FANCD2: variants seen among roughly 807,000 people sequenced by gnomAD.
FANCD2 encodes FA complementation group D2.
A neutral mutation model predicts 192.3 loss-of-function variants in FANCD2; 131 were observed. The observed-to-expected ratio is 0.68, with a 90% CI of 0.59 to 0.79. The LOEUF (loss-of-function observed/expected upper bound fraction) is 0.79, where lower values mean the gene tolerates loss of function less well. Ranked by LOEUF, FANCD2 falls within the 30% of genes least tolerant of loss-of-function variation. The pLI is 0.00. For missense variants in FANCD2, 1,508 were observed against 1,701.6 expected, an observed-to-expected ratio of 0.89 and a Z score of 2.00; for synonymous variants, 524 against 612.5, an observed-to-expected ratio of 0.86 and a Z score of 2.13.
intron 38 of FANCD2, 76 bp from the exon 39 acceptor site, chr3:10,093,209 T>G: frequency 1.8e-6 from 2 of 1,101,582 alleles, no homozygotes; most frequent in Non-Finnish European, 2.8e-6. Context: ...AAGCTGTGCT[T>G]TGCGCAGCGG....
At position 10,041,034 on chromosome 3, in the gene FANCD2, A is replaced by G. The variant is rs561899502; in HGVS notation, c.696-589A>G. The G allele has an allele frequency of 1.0e-3, 172 of 164,800 alleles. 1 individual carries two copies. Among genetic ancestry groups the G allele is most frequent in the Non-Finnish European group, 1.9e-3 (147 of 76,104 alleles). 10.2% of individuals were successfully genotyped at this position (164,800 alleles called of 1,614,324 possible). On this transcript the variant is annotated intron_variant, in intron 9 of 43. Coordinates refer to ENST00000675286, the MANE Select transcript of FANCD2 (RefSeq NM_001018115.3). ...CATGGTGAAAAGCCGTCTTTCAAAA[A>G]CATACAAAAATTAGGTGGGCGTGGT...
At chr3:10,058,293 A>C in intron 18 of FANCD2, 1 of 163,162 alleles carries the variant, frequency 6.1e-6, no homozygotes, top group Non-Finnish European at 1.4e-5. Context: ...CCCATATATA[A>C]TTCTGTTTTT....
intron 17 of FANCD2, among the ~76,000 whole-genome samples, chr3:10,049,803 G>T (rs1157859356): frequency 2.6e-5 from 4 of 152,204 alleles, no homozygotes; most frequent in African/African-American, 9.6e-5. Flanking sequence ...AACAGAGTAA[G>T]AATAATTAAA....
chr3:10,084,520 G>A (rs1694062259), intron 32 of FANCD2, among the ~76,000 whole-genome samples: 1 of 150,742 alleles, frequency 6.6e-6, no homozygotes, highest in African/African-American at 2.4e-5. Context: ...GGCTGGTCTT[G>A]AACCTCTGGG....
Position 10,101,317 on chromosome 3 carries a change from G to T in FANCD2, c.*55G>T. On this transcript the variant is annotated 3_prime_UTR_variant, in exon 44 of 44. Transcript: ENST00000675286. ...GTCTCTGCCAGCCTGTGATCATTTT[G>T]TGTTAGAGTTTGAAATCCGCTGTTT... is the stretch of plus-strand genomic sequence containing the variant. The T allele has an allele frequency of 1.6e-6, 2 of 1,283,602 alleles. No homozygotes were observed. Among genetic ancestry groups the T allele is most frequent in the Non-Finnish European group, 2.2e-6 (2 of 895,264 alleles). The allele number at this position is 1,283,602 out of a possible 1,614,324, so 79.5% of individuals were successfully genotyped here.
intron 3 of FANCD2, among the ~76,000 whole-genome samples, chr3:10,033,918 T>C (rs543285661): frequency 4.6e-5 from 7 of 150,994 alleles, no homozygotes; most frequent in Middle Eastern, 3.4e-3. Context: ...AGGATGGTCT[T>C]GATCTCCTGA....
rs113222720 is a variant in FANCD2 at position 10,073,934 on chromosome 3, ACAGTTTTTTGTTTT to A, written c.2715+573_2716-582del. ...CCAGATCATTCTGGCCCCTAAGCTC[ACAGTTTTTTGTTTT>A]TTGTTTTTTGTTTTTGAGATGGAGT... is the stretch of plus-strand genomic sequence containing the variant. On this transcript the variant is annotated intron_variant, in intron 28 of 43. Transcript: ENST00000675286. Among the ~76,000 whole-genome samples, 8 of 151,752 alleles carry A rather than the reference ACAGTTTTTTGTTTT, an allele frequency of 5.3e-5. 1 individual carries two copies. Among genetic ancestry groups the A allele is most frequent in the African/African-American group, 1.9e-4 (8 of 41,104 alleles).
At position 10,048,026 on chromosome 3, in the gene FANCD2, A is replaced by T; in HGVS notation, c.1388A>T (p.Lys463Met). Reference sequence around the variant, plus strand: ...AGTCTCCTATACAAATATGCATTTAAGTTTTTTGACACGTACTGCCAGCAG... The same window carrying T: ...AGTCTCCTATACAAATATGCATTTATGTTTTTTGACACGTACTGCCAGCAG... Reference protein sequence around the residue: ...FGSLLYKYAFKFFDTYCQQEV... With the variant: ...FGSLLYKYAFMFFDTYCQQEV... The change falls in exon 16 of 44, where the codon AAG becomes ATG. Residue 463 changes from lysine to methionine, a missense_variant. Lys to Met is a moderately conservative substitution (Grantham distance 95, BLOSUM62 -1). This residue lies in a region of FANCD2 where 108 missense variants were observed against 174.1 expected (regional missense o/e 0.62). Transcript: ENST00000675286. The T allele has an allele frequency of 6.2e-7, 1 of 1,614,260 alleles. No homozygotes were observed. Among genetic ancestry groups the T allele is most frequent in the Non-Finnish European group, 8.5e-7 (1 of 1,180,054 alleles).
chr3:10,101,323 G>T lies in FANCD2; in HGVS notation c.*61G>T. ...GCCAGCCTGTGATCATTTTGTGTTA[G>T]AGTTTGAAATCCGCTGTTTGCCTTT... On this transcript the variant is annotated 3_prime_UTR_variant, in exon 44 of 44. Coordinates refer to ENST00000675286, the MANE Select transcript of FANCD2 (RefSeq NM_001018115.3). 2.5e-6 allele frequency: 3 copies of T among 1,197,560 alleles called. No homozygotes were observed. The highest frequency in any genetic ancestry group is 3.7e-6 in the Non-Finnish European group (3 of 815,644). The allele number at this position is 1,197,560 out of a possible 1,614,324, so 74.2% of individuals were successfully genotyped here.
intron 43 of FANCD2, among the ~76,000 whole-genome samples, chr3:10,100,321 C>G (rs770047071): frequency 1.3e-5 from 2 of 152,222 alleles, no homozygotes. Flanking sequence ...ATACTAGTAT[C>G]GTAAGCCAGA....
At chr3:10,099,903 A>T (rs1368219892) in intron 43 of FANCD2, among the ~76,000 whole-genome samples, 1 of 152,148 alleles carries the variant, frequency 6.6e-6, no homozygotes, top group Admixed American at 6.5e-5. Context: ...ATCATTTAGT[A>T]TGAAAAGTCT....
rs1693810644 is a variant in FANCD2 at position 10,081,114 on chromosome 3, G to A, written c.2991G>A (p.Arg997=). Reference sequence around the variant, plus strand: ...ATTTATTATAGAACAAAGGAAGCCGGAATATTGGATTCTCACATCTCCAAC... The same window carrying A: ...ATTTATTATAGAACAAAGGAAGCCGAAATATTGGATTCTCACATCTCCAAC... ...RVPFLKNKGS[R]NIGFSHLQQR... Residue 997 remains arginine, a synonymous_variant, in exon 31 of 44, where the codon CGG becomes CGA. Transcript: ENST00000675286. 1 of 1,614,102 alleles carries A rather than the reference G, an allele frequency of 6.2e-7. No homozygotes were observed. The highest frequency in any genetic ancestry group is 8.5e-7 in the Non-Finnish European group (1 of 1,180,016).
rs780762477 is a variant in FANCD2 at position 10,064,431 on chromosome 3, T to C, written c.2021+2T>C. The C allele has an allele frequency of 6.2e-7, 1 of 1,613,646 alleles. No individual in the cohort carries two copies. Among genetic ancestry groups the C allele is most frequent in the Admixed American group, 1.7e-5 (1 of 60,016 alleles). The stretch of plus-strand genomic sequence containing the variant: ...GGACTCCTGTGTTGTTCCGGAAGGG[T>C]AGGTATTGTTTACCTGCTGGCTTGG... On this transcript the variant is annotated splice_donor_variant, in intron 22 of 43. Transcript: ENST00000675286. LOFTEE classifies it high-confidence loss of function.
At chr3:10,033,918 T>A (rs543285661) in intron 3 of FANCD2, among the ~76,000 whole-genome samples, 7 of 150,994 alleles carry the variant, frequency 4.6e-5, no homozygotes, top group African/African-American at 9.7e-5. Flanking sequence ...AGGATGGTCT[T>A]GATCTCCTGA....
intron 37 of FANCD2, among the ~76,000 whole-genome samples, chr3:10,090,887 C>G (rs1012214237): frequency 4.0e-5 from 6 of 151,520 alleles, no homozygotes; most frequent in Non-Finnish European, 7.4e-5. Flanking sequence ...TCCTTTCCCT[C>G]TAGTTAGAGG....
rs755821273 is a variant in FANCD2 at position 10,092,166 on chromosome 3, A to G, written c.3778-15A>G. 1.0e-5 allele frequency: 16 copies of G among 1,606,262 alleles called. No individual in the cohort carries two copies. In the East Asian group the frequency reaches 3.6e-4, roughly 36 times the overall value. On this transcript the variant is annotated splice_polypyrimidine_tract_variant and intron_variant, in intron 37 of 43. Transcript: ENST00000675286. The stretch of plus-strand genomic sequence containing the variant: ...GGCTGTGACTCAGAGGTGCCCATAT[A>G]TTTGGCTGCCCCAGATTCATGAAGA...
At position 10,034,796 on chromosome 3, in the gene FANCD2, C is replaced by A; in HGVS notation, c.375C>A (p.Ala125=). 1 of 1,553,530 alleles carries A rather than the reference C, an allele frequency of 6.4e-7. No homozygotes were observed. Among genetic ancestry groups the A allele is most frequent in the Non-Finnish European group, 8.7e-7 (1 of 1,147,296 alleles). ...GTGAGCGTCTGCAGGATGAGGAAGC[C>A]AGGTGTGGAGAGGAGGCATGGAATC... The part of the protein sequence containing the change: ...LSCERLQDEE[A]SMGASYSKSL... Residue 125 remains alanine, a splice_region_variant and synonymous_variant, in exon 5 of 44, where the codon GCC becomes GCA. Transcript: ENST00000675286.
intron 32 of FANCD2, among the ~76,000 whole-genome samples, chr3:10,083,103 T>G (rs1377755497): frequency 6.6e-6 from 1 of 152,176 alleles, no homozygotes; most frequent in Non-Finnish European, 1.5e-5. Context: ...GGCATGCATC[T>G]GTAGTCCCAG....
At chr3:10,085,360 A>G (rs1218681098) in intron 32 of FANCD2, among the ~76,000 whole-genome samples, 1 of 150,984 alleles carries the variant, frequency 6.6e-6, no homozygotes, top group East Asian at 1.9e-4. Context: ...GTACTTCAGT[A>G]CTTTCCATTT....
Sources: allele counts gnomAD v4.1 joint callset (sites outside exome capture counted in the v4.1 genomes callset), GRCh38; gene constraint gnomAD v4.1.1; regional missense constraint gnomAD v4.1.1; transcripts MANE v1.5; gene names NCBI Gene and HGNC (gene_info 2026-07-23, HGNC 2026-07-21).